The following HIVEP3 variants were observed in gnomAD, a reference collection of about 807,000 sequenced individuals.
The protein encoded by HIVEP3 is transcription factor HIVEP3.
Under a neutral mutation model 152.8 loss-of-function variants are expected in HIVEP3, and 49 were observed. The observed-to-expected ratio is 0.32, with a 90% CI of 0.26 to 0.41. The LOEUF (loss-of-function observed/expected upper bound fraction) is 0.41. HIVEP3 is among the 10% of genes least tolerant of loss of function. The pLI is 1.00. For missense variants in HIVEP3, 2,790 were observed against 3,103.3 expected (o/e 0.90, Z 2.40); for synonymous variants, 1,269 against 1,289.0 (o/e 0.98, Z 0.33).
chr1:41,925,109 T>A (rs1381729888), intron 1 of HIVEP3, among the ~76,000 whole-genome samples: 1 of 152,142 alleles, frequency 6.6e-6, no homozygotes, highest in Admixed American at 6.5e-5. Flanking sequence ...AAGCCAAGAA[T>A]GGATCTGACA....
chr1:41,847,013 C>T (rs192758916), intron 1 of HIVEP3, among the ~76,000 whole-genome samples: 65 of 152,324 alleles, frequency 4.3e-4, no homozygotes, highest in African/African-American at 1.4e-3. Context: ...CCAAGTGTGG[C>T]TATATAAAGG....
At chr1:41,980,535 G>C (rs1458416301) in intron 1 of HIVEP3, among the ~76,000 whole-genome samples, 1 of 152,198 alleles carries the variant, frequency 6.6e-6, no homozygotes, top group African/African-American at 2.4e-5. Context: ...GTGATTGCCT[G>C]GGTCTGGGGA....
At chr1:41,608,505 C>T (rs1028563741) in intron 3 of HIVEP3, among the ~76,000 whole-genome samples, 1 of 152,164 alleles carries the variant, frequency 6.6e-6, no homozygotes, top group African/African-American at 2.4e-5. Flanking sequence ...AGGGGTCCAA[C>T]TGTACTTGCT....
chr1:41,743,061 G>A (rs1200293966), intron 1 of HIVEP3, among the ~76,000 whole-genome samples: 4 of 152,082 alleles, frequency 2.6e-5, no homozygotes, highest in South Asian at 4.1e-4. Flanking sequence ...CACATCATGA[G>A]GGGGCATTTT....
intron 1 of HIVEP3, among the ~76,000 whole-genome samples, chr1:42,012,866 T>C (rs1645501228): frequency 6.6e-6 from 1 of 152,192 alleles, no homozygotes. Context: ...GAAATATCTG[T>C]TGTTTAACCC....
chr1:41,596,362 C>T (rs775522394), intron 3 of HIVEP3, among the ~76,000 whole-genome samples: 2 of 152,182 alleles, frequency 1.3e-5, no homozygotes, highest in Non-Finnish European at 2.9e-5. Flanking sequence ...TCATGGAAAA[C>T]AGGCACAACC....
chr1:41,956,855 A>T lies in HIVEP3; in HGVS notation n.120-38331T>A, dbSNP rs532283822. On this transcript the variant is annotated intron_variant and non_coding_transcript_variant, in intron 1 of 3. Transcript: ENST00000489103. ...GGAGTTGGAAGGTGCTCTCACTTTCAGATCTTGCTCATTTAAATAAATCCT... is the reference window on the plus strand; with the variant it reads ...GGAGTTGGAAGGTGCTCTCACTTTCTGATCTTGCTCATTTAAATAAATCCT... Among the ~76,000 whole-genome samples, 5 of 152,344 alleles carry T rather than the reference A, an allele frequency of 3.3e-5. No homozygotes were observed. In the East Asian group the frequency reaches 9.6e-4, roughly 29 times the overall value.
At chr1:41,963,927 T>C (rs925200024) in intron 1 of HIVEP3, among the ~76,000 whole-genome samples, 1 of 152,218 alleles carries the variant, frequency 6.6e-6, no homozygotes, top group Non-Finnish European at 1.5e-5. Flanking sequence ...ACTGCTTTAT[T>C]CTGACCCAAG....
At chr1:41,599,365 C>A (rs1644712859) in intron 3 of HIVEP3, among the ~76,000 whole-genome samples, 1 of 152,144 alleles carries the variant, frequency 6.6e-6, no homozygotes, top group African/African-American at 2.4e-5. Flanking sequence ...AGATTTCTTA[C>A]TCGATTGACA....
chr1:41,674,154 G>A (rs947208083), intron 2 of HIVEP3, among the ~76,000 whole-genome samples: 1 of 152,200 alleles, frequency 6.6e-6, no homozygotes, highest in Admixed American at 6.5e-5. Context: ...TCCCCGTGTC[G>A]GGAAAGCTGG....
At chr1:41,652,893 T>C (rs570190279) in intron 2 of HIVEP3, among the ~76,000 whole-genome samples, 15 of 152,296 alleles carry the variant, frequency 9.8e-5, no homozygotes, top group South Asian at 4.1e-4. Context: ...AAACCCACCA[T>C]TGATTTGTCA....
chr1:41,888,544 C>G (rs569616249), intron 1 of HIVEP3, among the ~76,000 whole-genome samples: 1 of 151,984 alleles, frequency 6.6e-6, no homozygotes, highest in Non-Finnish European at 1.5e-5. Flanking sequence ...GAAATAGAAC[C>G]TAAAGTGACT....
At chr1:41,950,884 A>G (rs1645102851) in intron 1 of HIVEP3, among the ~76,000 whole-genome samples, 1 of 152,248 alleles carries the variant, frequency 6.6e-6, no homozygotes, top group African/African-American at 2.4e-5. Context: ...GGTCCATATA[A>G]GTAAAAATGA....
chr1:41,602,697 AT>A (rs1263998738), intron 3 of HIVEP3, among the ~76,000 whole-genome samples: 73 of 151,768 alleles, frequency 4.8e-4, no homozygotes, highest in Non-Finnish European at 2.5e-4. Context: ...AGTTTCATTG[AT>A]TTTTTTCCTA....
At chr1:41,703,184 C>T (rs528349112) in intron 1 of HIVEP3, among the ~76,000 whole-genome samples, 12 of 152,322 alleles carry the variant, frequency 7.9e-5, no homozygotes, top group South Asian at 2.1e-4. Context: ...CAGTGGGAAA[C>T]GGACCAAGGC....
intron 1 of HIVEP3, among the ~76,000 whole-genome samples, chr1:41,748,054 T>C (rs1403939683): frequency 4.6e-5 from 7 of 152,200 alleles, no homozygotes; most frequent in Non-Finnish European, 1.0e-4. Flanking sequence ...GGCAGGCACA[T>C]GGTTCATATA....
intron 1 of HIVEP3, among the ~76,000 whole-genome samples, chr1:41,982,945 A>G (rs1397270310): frequency 6.6e-6 from 1 of 152,248 alleles, no homozygotes; most frequent in African/African-American, 2.4e-5. Flanking sequence ...CACCAGGGAC[A>G]ACTTTTCCAT....
intron 1 of HIVEP3, among the ~76,000 whole-genome samples, chr1:42,016,451 G>A (rs1181172141): frequency 6.6e-6 from 1 of 151,738 alleles, no homozygotes; most frequent in Non-Finnish European, 1.5e-5. Flanking sequence ...TCATTGTAGG[G>A]AATTTGGAAT....
intron 5 of HIVEP3, among the ~76,000 whole-genome samples, chr1:41,527,197 CT>C (rs1642990003): frequency 1.5e-5 from 2 of 133,720 alleles, no homozygotes. Context: ...TTCACTCCCA[CT>C]CCCACACATG....
Sources: allele counts gnomAD v4.1 joint callset (sites outside exome capture counted in the v4.1 genomes callset), GRCh38; gene constraint gnomAD v4.1.1; transcripts MANE v1.5; gene names NCBI Gene and HGNC (gene_info 2026-07-23, HGNC 2026-07-21).